Variants in KCNIP4 observed in about 807,000 individuals in gnomAD.
KCNIP4 encodes Kv channel-interacting protein 4.
A neutral mutation model predicts 34.0 loss-of-function variants in KCNIP4; 12 were observed. That is an observed-to-expected ratio of 0.35 (90% confidence interval 0.23 to 0.57). The LOEUF (loss-of-function observed/expected upper bound fraction) is 0.57. KCNIP4 is among the 20% of genes least tolerant of loss of function. The pLI, the probability that KCNIP4 is intolerant of heterozygous loss-of-function variation, is 0.83. For missense variants in KCNIP4, 238 were observed against 311.7 expected (o/e 0.76, Z 1.78); for synonymous variants, 124 against 102.2 (o/e 1.21, Z -1.29).
intron 1 of KCNIP4, among the ~76,000 whole-genome samples, chr4:21,290,790 C>T (rs1763399300): frequency 6.6e-6 from 1 of 152,164 alleles, no homozygotes; most frequent in Admixed American, 6.5e-5. Flanking sequence ...TTGGTTATGA[C>T]AGAGCCTTTT....
At chr4:21,847,655 T>C (rs1724107035) in intron 1 of KCNIP4, 1 of 151,990 alleles carries the variant, frequency 6.6e-6, no homozygotes, top group Non-Finnish European at 1.5e-5. Context: ...AATCCTTCTC[T>C]TAATCACAAA....
At chr4:21,826,983 A>T (rs1034859197) in intron 1 of KCNIP4, among the ~76,000 whole-genome samples, 1 of 152,104 alleles carries the variant, frequency 6.6e-6, no homozygotes, top group Non-Finnish European at 1.5e-5. Flanking sequence ...ATAATACAGA[A>T]AATAAATTGT....
chr4:21,042,409 T>C (rs1742042616), intron 1 of KCNIP4, among the ~76,000 whole-genome samples: 2 of 152,156 alleles, frequency 1.3e-5, no homozygotes. Flanking sequence ...CTGGGGAGCA[T>C]TAGGTTAAGT....
chr4:20,989,989 A>T (rs1021457639), intron 1 of KCNIP4, among the ~76,000 whole-genome samples: 6 of 152,276 alleles, frequency 3.9e-5, no homozygotes, highest in South Asian at 4.1e-4. Context: ...AAAAGACAGC[A>T]TTCACGACAG....
intron 1 of KCNIP4, among the ~76,000 whole-genome samples, chr4:21,121,412 CTTTG>C (rs968111062): frequency 6.6e-6 from 1 of 152,052 alleles, no homozygotes; most frequent in Non-Finnish European, 1.5e-5. Flanking sequence ...TTGCTGTTTT[CTTTG>C]TTTAATTATT....
chr4:21,412,922 A>G (rs1180528525), intron 1 of KCNIP4, among the ~76,000 whole-genome samples: 1 of 152,022 alleles, frequency 6.6e-6, no homozygotes, highest in Non-Finnish European at 1.5e-5. Context: ...TCATGTAGCT[A>G]CTCTGTGTTT....
chr4:20,764,867 C>T (rs1428841704), intron 3 of KCNIP4, among the ~76,000 whole-genome samples: 6 of 152,250 alleles, frequency 3.9e-5, no homozygotes, highest in Middle Eastern at 3.4e-3. Flanking sequence ...GGCACTCAGC[C>T]GGACCACATC....
intron 1 of KCNIP4, among the ~76,000 whole-genome samples, chr4:21,840,738 A>G (rs137871055): frequency 5.3e-5 from 8 of 152,312 alleles, no homozygotes; most frequent in Non-Finnish European, 1.2e-4. Flanking sequence ...AAACAAGCAC[A>G]TAAAATGCCC....
intron 1 of KCNIP4, among the ~76,000 whole-genome samples, chr4:21,926,395 G>T (rs559603071): frequency 6.6e-6 from 1 of 152,158 alleles, no homozygotes; most frequent in Admixed American, 6.6e-5. Context: ...TCAGTTTTCA[G>T]AGCAGAAAAA....
chr4:21,490,506 C>T (rs1046238512), intron 1 of KCNIP4, among the ~76,000 whole-genome samples: 9 of 151,946 alleles, frequency 5.9e-5, no homozygotes, highest in African/African-American at 2.2e-4. Context: ...GGAAAAACAA[C>T]AACAAACAAC....
intron 1 of KCNIP4, among the ~76,000 whole-genome samples, chr4:21,533,374 G>C (rs974041308): frequency 2.0e-5 from 3 of 152,046 alleles, no homozygotes; most frequent in Admixed American, 6.6e-5. Context: ...CAAATTGTTT[G>C]CTTAATGGGT....
At chr4:21,305,537 G>A (rs894025929) in intron 1 of KCNIP4, among the ~76,000 whole-genome samples, 28 of 152,212 alleles carry the variant, frequency 1.8e-4, no homozygotes, top group African/African-American at 6.0e-4. Context: ...TCTGGAGGAA[G>A]TGCAGTCCTC....
intron 1 of KCNIP4, among the ~76,000 whole-genome samples, chr4:21,492,061 G>A (rs549853189): frequency 9.9e-5 from 15 of 152,246 alleles, no homozygotes; most frequent in Admixed American, 7.9e-4. Context: ...GATGTTAAAC[G>A]TGAGTATCTG....
chr4:21,266,508 C>A (rs1000802467), intron 1 of KCNIP4, among the ~76,000 whole-genome samples: 5 of 152,112 alleles, frequency 3.3e-5, no homozygotes, highest in African/African-American at 1.2e-4. Context: ...CTTGGATTCC[C>A]TGGATTTAGC....
At chr4:21,108,490 T>C (rs1291374661) in intron 1 of KCNIP4, among the ~76,000 whole-genome samples, 3 of 151,694 alleles carry the variant, frequency 2.0e-5, no homozygotes, top group Non-Finnish European at 1.5e-5. Context: ...ATTCTAGTTA[T>C]ACATTCGTCT....
Position 21,818,982 on chromosome 4 carries a change from A to G in KCNIP4, c.61+129589T>C, listed in dbSNP as rs547367446. ...ATGCAAAAGACATCACATCCTTTCA[A>G]AATAATGGAAAATGCCTACTCTGTG... On this transcript the variant is annotated intron_variant, in intron 1 of 8. Transcript: ENST00000382152. 1.7e-4 allele frequency among the ~76,000 whole-genome samples: 26 copies of G among 152,292 alleles called. No homozygotes were observed. The South Asian group carries it at 5.4e-3, about 32-fold the overall frequency.
intron 1 of KCNIP4, among the ~76,000 whole-genome samples, chr4:21,496,263 G>A (rs531070815): frequency 6.6e-6 from 1 of 152,122 alleles, no homozygotes; most frequent in South Asian, 2.1e-4. Context: ...CTAGAGCTAG[G>A]GCTAATGTAT....
chr4:21,379,640 A>G (rs1218129699), intron 1 of KCNIP4, among the ~76,000 whole-genome samples: 1 of 152,182 alleles, frequency 6.6e-6, no homozygotes, highest in African/African-American at 2.4e-5. Context: ...TGTTCTTTTA[A>G]AGCCTTCATA....
Position 21,806,274 on chromosome 4 carries a change from A to C in KCNIP4, c.61+142297T>G, listed in dbSNP as rs140791661. ...AGCATCACAGGGTGTTATTCAGTAC[A>C]ATATAGCACCCCATATAGTATTTAG... On this transcript the variant is annotated intron_variant, in intron 1 of 8. Coordinates refer to ENST00000382152, the MANE Select transcript of KCNIP4 (RefSeq NM_025221.6). Among the ~76,000 whole-genome samples the C allele has an allele frequency of 2.7e-3, 415 of 152,318 alleles. 10 individuals carry two copies. The highest frequency in any genetic ancestry group is 0.025 in the Admixed American group (389 of 15,292).
Sources: allele counts gnomAD v4.1 joint callset (sites outside exome capture counted in the v4.1 genomes callset), GRCh38; gene constraint gnomAD v4.1.1; transcripts MANE v1.5; gene names NCBI Gene and HGNC (gene_info 2026-07-23, HGNC 2026-07-21).